The following RAPGEF6 variants were observed in gnomAD, a reference collection of about 807,000 sequenced individuals.
The protein encoded by RAPGEF6 is Rap guanine nucleotide exchange factor 6, also known as PDZ domain containing guanine nucleotide exchange factor (GEF) 2.
Under a neutral mutation model 171.4 loss-of-function variants are expected in RAPGEF6, and 56 were observed. The observed-to-expected ratio is 0.33, with a 90% CI of 0.26 to 0.41. The LOEUF (loss-of-function observed/expected upper bound fraction) is 0.41, where lower values mean the gene tolerates loss of function less well. Ranked by LOEUF, RAPGEF6 falls within the 10% of genes least tolerant of loss-of-function variation. The pLI, the probability that RAPGEF6 is intolerant of heterozygous loss-of-function variation, is 1.00. For missense variants in RAPGEF6, 1,674 were observed against 1,921.4 expected (o/e 0.87, Z 2.41); for synonymous variants, 692 against 650.1 (o/e 1.06, Z -0.98).
At chr5:131,460,336 T>G (rs938810606) in intron 19 of RAPGEF6, among the ~76,000 whole-genome samples, 4 of 152,164 alleles carry the variant, frequency 2.6e-5, no homozygotes, top group Non-Finnish European at 4.4e-5. Context: ...AGACTCTTTT[T>G]CCTTACCCTC....
At position 131,592,433 on chromosome 5, in the gene RAPGEF6, T is replaced by C. The variant is rs532903828; in HGVS notation, c.231A>G (p.Leu77=). ...CTTTCACAAGCACAGATCCAGAAAG[T>C]AGGATATACCAACATCTGGCAATCG... ...SETIARCWYI[L]LSGSVLVKGS... is the part of the protein sequence containing the mutation. The change falls in exon 4 of 28, where the codon CTA becomes CTG. Residue 77 remains leucine (L), a synonymous_variant. Coordinates refer to ENST00000509018, the MANE Select transcript of RAPGEF6 (RefSeq NM_016340.6). 1.2e-4 allele frequency: 190 copies of C among 1,613,942 alleles called. 2 individuals carry two copies. In the South Asian group the frequency reaches 1.9e-3, roughly 16 times the overall value.
chr5:131,634,735 GC>G (rs1411977835), intron 1 of RAPGEF6, among the ~76,000 whole-genome samples: 1 of 152,134 alleles, frequency 6.6e-6, no homozygotes, highest in African/African-American at 2.4e-5. Flanking sequence ...ACACTCAGAA[GC>G]CCCCGGCAAG....
chr5:131,492,557 T>C, intron 14 of RAPGEF6, 25 bp downstream of exon 14: 1 of 1,607,362 alleles, frequency 6.2e-7, no homozygotes, highest in Non-Finnish European at 8.5e-7. Flanking sequence ...AAGGCTTGAA[T>C]ATAAGTGGTT....
At chr5:131,630,592 T>C (rs1486503541) in intron 1 of RAPGEF6, among the ~76,000 whole-genome samples, 7 of 152,222 alleles carry the variant, frequency 4.6e-5, no homozygotes, top group African/African-American at 1.7e-4. Context: ...AAGACAATGT[T>C]CTGTGGAAGC....
In RAPGEF6 at chr5:131,429,082, C is replaced by T; in HGVS notation, c.4600G>A (p.Val1534Met). 1.9e-6 allele frequency: 3 copies of T among 1,614,146 alleles called. No individual in the cohort carries two copies. Among genetic ancestry groups the T allele is most frequent in the Non-Finnish European group, 2.5e-6 (3 of 1,180,032 alleles). The change falls in exon 27 of 28, where the codon GTG becomes ATG. Residue 1534 changes from valine (V) to methionine (M), a missense_variant. Val to Met is a conservative substitution (Grantham distance 21). Coordinates refer to ENST00000509018, the MANE Select transcript of RAPGEF6 (RefSeq NM_016340.6). ...HTHLKPPDYS[V>M]AVQRSKMMHN... is the part of the protein sequence containing the mutation. The stretch of plus-strand genomic sequence containing the variant: ...ATCATCTTTGACCTCTGCACTGCCA[C>T]ACTATAATCTGGAGGTTTTAGGTGT...
intron 6 of RAPGEF6, among the ~76,000 whole-genome samples, chr5:131,528,414 A>T (rs573860618): frequency 7.9e-4 from 115 of 146,034 alleles, no homozygotes; most frequent in African/African-American, 2.8e-3. Flanking sequence ...AAAAGCCCCA[A>T]AGGAGAACCT....
chr5:131,472,216 C>T, intron 17 of RAPGEF6: 2 of 317,258 alleles, frequency 6.3e-6, no homozygotes, highest in South Asian at 5.4e-5. Flanking sequence ...GGACTACAGG[C>T]ACCCACCATC....
At chr5:131,589,114 G>T (rs1187013790) in intron 4 of RAPGEF6, among the ~76,000 whole-genome samples, 2 of 151,994 alleles carry the variant, frequency 1.3e-5, no homozygotes, top group Non-Finnish European at 2.9e-5. Context: ...TAAGAAAAAG[G>T]CAGGATAGTT....
chr5:131,632,018 G>A (rs892394663), intron 1 of RAPGEF6, among the ~76,000 whole-genome samples: 1 of 147,594 alleles, frequency 6.8e-6, no homozygotes, highest in Non-Finnish European at 1.5e-5. Context: ...AGAGATTGCA[G>A]TGAGCCCAGA....
At chr5:131,537,461 AT>A (rs1425409434) in intron 6 of RAPGEF6, among the ~76,000 whole-genome samples, 1 of 152,166 alleles carries the variant, frequency 6.6e-6, no homozygotes, top group Non-Finnish European at 1.5e-5. Flanking sequence ...TAACCCAGTA[AT>A]TTCTGTAACT....
intron 4 of RAPGEF6, among the ~76,000 whole-genome samples, chr5:131,581,889 T>A (rs927134501): frequency 1.3e-5 from 2 of 152,152 alleles, no homozygotes; most frequent in African/African-American, 2.4e-5. Context: ...CAATACACCC[T>A]CCCTGCCCTT....
intron 8 of RAPGEF6, 64 bp downstream of exon 8, chr5:131,510,250 G>T: frequency 7.1e-7 from 1 of 1,413,266 alleles, no homozygotes; most frequent in Non-Finnish European, 9.6e-7. Context: ...AATTTGTTAT[G>T]CAGAAATAGG....
chr5:131,487,419 G>A (rs1169517896), intron 15 of RAPGEF6, among the ~76,000 whole-genome samples: 3 of 152,168 alleles, frequency 2.0e-5, no homozygotes, highest in Non-Finnish European at 4.4e-5. Flanking sequence ...CCATTTTACA[G>A]AGTGCTTGAT....
At chr5:131,528,313 TTATATA>T (rs71590767) in intron 6 of RAPGEF6, among the ~76,000 whole-genome samples, 2 of 48,844 alleles carry the variant, frequency 4.1e-5, no homozygotes, top group East Asian at 3.2e-4. Flanking sequence ...TATATTTATA[TTATATA>T]TATATATATA....
chr5:131,544,194 C>CT (rs1363448051), intron 6 of RAPGEF6, among the ~76,000 whole-genome samples: 1 of 152,120 alleles, frequency 6.6e-6, no homozygotes, highest in African/African-American at 2.4e-5. Flanking sequence ...TCACCCACTC[C>CT]TGGGTATTAA....
rs141240579 is a variant in RAPGEF6 at position 131,465,858 on chromosome 5, A to G, written c.2240-1577T>C. On this transcript the variant is annotated intron_variant, in intron 17 of 27. Transcript: ENST00000509018. ...TGTGTGTGATGACTGCAGTGGGGGC[A>G]GGATGGAAGATTTTGGGGGCTCAAG... Among the ~76,000 whole-genome samples the G allele has an allele frequency of 2.0e-5, 3 of 152,258 alleles. No homozygotes were observed. The East Asian group carries it at 5.8e-4, about 29-fold the overall frequency.
intron 6 of RAPGEF6, chr5:131,531,982 C>G: frequency 3.4e-6 from 1 of 290,468 alleles, no homozygotes; most frequent in South Asian, 2.9e-5. Flanking sequence ...ATGAGAAAGA[C>G]TACTTTGTAG....
Position 131,479,740 on chromosome 5 carries a change from T to C in RAPGEF6, c.1854A>G (p.Leu618=), listed in dbSNP as rs373574733. 94 of 1,613,764 alleles carry C rather than the reference T, an allele frequency of 5.8e-5. No individual in the cohort carries two copies. Among genetic ancestry groups the C allele is most frequent in the Non-Finnish European group, 7.9e-5 (93 of 1,179,914 alleles). Residue 618 remains leucine (L), a synonymous_variant, in exon 16 of 28, where the codon TTA becomes TTG. Coordinates refer to ENST00000509018, the MANE Select transcript of RAPGEF6 (RefSeq NM_016340.6). ...VKTNIFVFKE[L]LFRTEQEKSG... is the part of the protein sequence containing the mutation. ...ATTTCTCTTGTTCAGTCCTAAAAAGTAACTCTTTGAACACTGTGGAAATAA... is the reference window on the plus strand; with the variant it reads ...ATTTCTCTTGTTCAGTCCTAAAAAGCAACTCTTTGAACACTGTGGAAATAA...
rs1327004169 is a variant in RAPGEF6 at position 131,461,865 on chromosome 5, T to C, written c.2704A>G (p.Arg902Gly). 9.9e-6 allele frequency: 16 copies of C among 1,613,940 alleles called. No individual in the cohort carries two copies. Among genetic ancestry groups the C allele is most frequent in the Non-Finnish European group, 1.4e-5 (16 of 1,179,968 alleles). The change falls in exon 19 of 28, where the codon AGG becomes GGG. Residue 902 changes from arginine to glycine, a missense_variant. Transcript: ENST00000509018. ...TCTTGGTTTACAATGTCCTCAAACC[T>C]CTTCAAATGAGTATTTCCTGTTTTG... is the stretch of plus-strand genomic sequence containing the variant. The part of the protein sequence containing the change: ...NSKTGNTHLK[R>G]FEDIVNQETF...
Sources: gnomAD v4.1 joint callset for allele counts (sites outside exome capture counted in the v4.1 genomes callset) on GRCh38, gnomAD v4.1.1 for gene constraint, MANE v1.5 for transcripts, NCBI Gene and HGNC (gene_info 2026-07-23, HGNC 2026-07-21) for gene names.